Variants in GALNT1 observed in about 807,000 individuals in gnomAD.
GALNT1 encodes GalNAc transferase 1.
Under a neutral mutation model 65.7 loss-of-function variants are expected in GALNT1, and 17 were observed. The observed-to-expected ratio is 0.26, with a 90% CI of 0.18 to 0.39. GALNT1 has a LOEUF of 0.39. Ranked by LOEUF, GALNT1 falls within the 10% of genes least tolerant of loss-of-function variation. GALNT1 has a pLI of 1.00. For missense variants in GALNT1, 460 were observed against 672.8 expected (o/e 0.68, Z 3.50); for synonymous variants, 210 against 219.7 (o/e 0.96, Z 0.39).
intron 10 of GALNT1, 37 bp from the exon 11 acceptor site, chr18:35,703,472 A>G (rs779203368): frequency 1.9e-6 from 3 of 1,591,110 alleles, no homozygotes; most frequent in Middle Eastern, 1.7e-4. Context: ...TGACTAATTT[A>G]TTTTTTCTGT....
chr18:35,622,408 T>C (rs1187473262), intron 1 of GALNT1, among the ~76,000 whole-genome samples: 1 of 152,080 alleles, frequency 6.6e-6, no homozygotes, highest in Non-Finnish European at 1.5e-5. Context: ...CATGCCACCA[T>C]GACTGGCTAA....
intron 1 of GALNT1, among the ~76,000 whole-genome samples, chr18:35,607,734 G>A (rs2046669328): frequency 2.0e-5 from 3 of 152,158 alleles, no homozygotes; most frequent in Admixed American, 2.0e-4. Flanking sequence ...GTAGAATGGA[G>A]GAAGGGTGAA....
intron 11 of GALNT1, among the ~76,000 whole-genome samples, chr18:35,709,262 T>C (rs1443010948): frequency 6.6e-6 from 1 of 152,182 alleles, no homozygotes; most frequent in East Asian, 1.9e-4. Flanking sequence ...TCTTTTTTTG[T>C]TGTTTAGGAA....
At chr18:35,636,612 G>C (rs2047091734) in intron 1 of GALNT1, among the ~76,000 whole-genome samples, 2 of 152,078 alleles carry the variant, frequency 1.3e-5, no homozygotes, top group Admixed American at 6.5e-5. Flanking sequence ...AGTGTGATTA[G>C]ATGTGGGTCG....
chr18:35,634,517 C>G (rs1458623660), intron 1 of GALNT1, among the ~76,000 whole-genome samples: 12 of 152,154 alleles, frequency 7.9e-5, no homozygotes, highest in Admixed American at 7.9e-4. Context: ...CAAACAGACA[C>G]AAGCTTCCAA....
chr18:35,585,286 G>T (rs2046367211), intron 1 of GALNT1, among the ~76,000 whole-genome samples: 1 of 152,004 alleles, frequency 6.6e-6, no homozygotes, highest in South Asian at 2.1e-4. Context: ...ACCTTTTTAT[G>T]TGATTTCTTC....
chr18:35,610,189 G>A (rs2046700010), intron 1 of GALNT1, among the ~76,000 whole-genome samples: 1 of 152,178 alleles, frequency 6.6e-6, no homozygotes, highest in African/African-American at 2.4e-5. Context: ...GAAGAGCAGG[G>A]CATGGGAAAG....
At chr18:35,641,925 A>T (rs2047169254) in intron 1 of GALNT1, among the ~76,000 whole-genome samples, 1 of 152,204 alleles carries the variant, frequency 6.6e-6, no homozygotes, top group African/African-American at 2.4e-5. Context: ...ATATTTTGTA[A>T]TTTATAGTGT....
intron 1 of GALNT1, among the ~76,000 whole-genome samples, chr18:35,625,164 C>A (rs999146867): frequency 1.3e-5 from 2 of 152,110 alleles, no homozygotes; most frequent in African/African-American, 2.4e-5. Flanking sequence ...ACATAATTCC[C>A]ATGCTGGGGA....
chr18:35,694,894 T>C (rs963519493), intron 9 of GALNT1, among the ~76,000 whole-genome samples: 1 of 152,206 alleles, frequency 6.6e-6, no homozygotes, highest in African/African-American at 2.4e-5. Context: ...GAGGACCTTA[T>C]GTTAAGCATA....
chr18:35,662,122 C>T (rs2047486099), intron 2 of GALNT1, among the ~76,000 whole-genome samples: 1 of 151,744 alleles, frequency 6.6e-6, no homozygotes, highest in Non-Finnish European at 1.5e-5. Flanking sequence ...ATTTTTAAAG[C>T]TTTAAAGGCT....
At chr18:35,632,631 T>C (rs2047029973) in intron 1 of GALNT1, among the ~76,000 whole-genome samples, 1 of 152,122 alleles carries the variant, frequency 6.6e-6, no homozygotes, top group East Asian at 1.9e-4. Context: ...ATTCAGGACA[T>C]AGGCATGGGC....
chr18:35,594,300 G>A (rs2046478895), intron 1 of GALNT1, among the ~76,000 whole-genome samples: 1 of 152,146 alleles, frequency 6.6e-6, no homozygotes, highest in Non-Finnish European at 1.5e-5. Flanking sequence ...AAAAAACTCA[G>A]AGGAACAAGG....
At chr18:35,701,529 A>T (rs1280105521) in intron 9 of GALNT1, among the ~76,000 whole-genome samples, 1 of 152,220 alleles carries the variant, frequency 6.6e-6, no homozygotes, top group African/African-American at 2.4e-5. Flanking sequence ...AATAGGTTTC[A>T]CAATTAATGG....
chr18:35,633,838 A>G (rs1327907452), intron 1 of GALNT1, among the ~76,000 whole-genome samples: 2 of 152,204 alleles, frequency 1.3e-5, no homozygotes, highest in Non-Finnish European at 2.9e-5. Flanking sequence ...CTCACTTCTG[A>G]TTAGGGAGGT....
At chr18:35,648,074 G>A (rs925625214) in intron 1 of GALNT1, among the ~76,000 whole-genome samples, 1 of 148,088 alleles carries the variant, frequency 6.8e-6, no homozygotes, top group Non-Finnish European at 1.5e-5. Context: ...GAGGAAGGGA[G>A]GAAGTGAGGA....
chr18:35,614,760 A>G (rs1279451358), intron 1 of GALNT1, among the ~76,000 whole-genome samples: 1 of 152,208 alleles, frequency 6.6e-6, no homozygotes, highest in African/African-American at 2.4e-5. Flanking sequence ...TCTGCAAGGA[A>G]TGCCAATTAA....
intron 3 of GALNT1, among the ~76,000 whole-genome samples, chr18:35,672,297 CT>C (rs1032472470): frequency 6.6e-6 from 1 of 152,132 alleles, no homozygotes; most frequent in Non-Finnish European, 1.5e-5. Context: ...TCCATCTCTA[CT>C]TTTTTTTCTT....
chr18:35,704,971 G>A (rs2048232014), intron 11 of GALNT1, among the ~76,000 whole-genome samples: 1 of 152,138 alleles, frequency 6.6e-6, no homozygotes, highest in African/African-American at 2.4e-5. Context: ...ATCCTCTTAT[G>A]CCTTGGCCAT....
Sources: gnomAD v4.1 joint callset for allele counts (sites outside exome capture counted in the v4.1 genomes callset) on GRCh38, gnomAD v4.1.1 for gene constraint, MANE v1.5 for transcripts, NCBI Gene and HGNC (gene_info 2026-07-23, HGNC 2026-07-21) for gene names.